The following CYRIA variants were observed in gnomAD, a reference collection of about 807,000 sequenced individuals.
CYRIA encodes the protein CYFIP related Rac1 interactor A, also known as CYFIP-related Rac1 interactor A.
Under a neutral mutation model 43.9 loss-of-function variants are expected in CYRIA, and 15 were observed. That is an observed-to-expected ratio of 0.34 (90% CI 0.23 to 0.53). The LOEUF (loss-of-function observed/expected upper bound fraction) is 0.53, where lower values mean the gene tolerates loss of function less well. CYRIA is among the 20% of genes least tolerant of loss of function. The pLI is 0.94. For missense variants in CYRIA, 236 were observed against 394.2 expected, an observed-to-expected ratio of 0.60 and a Z score of 3.40; for synonymous variants, 117 against 136.0, an observed-to-expected ratio of 0.86 and a Z score of 0.97.
At chr2:16,563,873 G>C (rs1666835206) in intron 5 of CYRIA, 116 bp downstream of exon 5, 1 of 661,626 alleles carries the variant, frequency 1.5e-6, no homozygotes, top group Admixed American at 3.1e-5. Flanking sequence ...CCTCTCATTT[G>C]ATACAGTGGA....
intron 1 of CYRIA, among the ~76,000 whole-genome samples, chr2:16,660,097 G>A (rs765960331): frequency 6.6e-6 from 1 of 152,074 alleles, no homozygotes; most frequent in Non-Finnish European, 1.5e-5. Context: ...GCTCTCTCTT[G>A]GCAACCCTGC....
chr2:16,600,963 T>C lies in CYRIA; in HGVS notation c.-10-12834A>G, dbSNP rs554408273. 3.9e-5 allele frequency among the ~76,000 whole-genome samples: 6 copies of C among 152,350 alleles called. No individual in the cohort carries two copies. In the East Asian group the frequency reaches 1.2e-3, roughly 29 times the overall value. ...GAAGACTATGCTCTTTTCTGCACAG[T>C]AGAAGTCCTGGGGCTCCACATCCCT... On this transcript the variant is annotated intron_variant, in intron 2 of 11. Coordinates refer to ENST00000381323, the MANE Select transcript of CYRIA (RefSeq NM_030797.4).
chr2:16,660,882 C>T (rs1382705802), intron 1 of CYRIA, among the ~76,000 whole-genome samples: 1 of 152,226 alleles, frequency 6.6e-6, no homozygotes, highest in Admixed American at 6.5e-5. Context: ...GGCACCCATT[C>T]TCAGCACCTG....
chr2:16,587,991 T>C (rs2103458750), intron 3 of CYRIA, 59 bp downstream of exon 3: 2 of 1,089,378 alleles, frequency 1.8e-6, no homozygotes, highest in Admixed American at 4.1e-5. Flanking sequence ...ATAACTTCCT[T>C]ATCAACAATC....
At chr2:16,558,659 T>C (rs1053885119) in intron 10 of CYRIA, among the ~76,000 whole-genome samples, 3 of 152,200 alleles carry the variant, frequency 2.0e-5, no homozygotes, top group Non-Finnish European at 4.4e-5. Flanking sequence ...GTGTTTTCAA[T>C]TATCTTCATT....
chr2:16,593,475 A>G (rs929155145), intron 2 of CYRIA, among the ~76,000 whole-genome samples: 3 of 152,270 alleles, frequency 2.0e-5, no homozygotes, highest in East Asian at 3.9e-4. Context: ...AGCTGATTAA[A>G]AAATATAAAT....
intron 2 of CYRIA, among the ~76,000 whole-genome samples, chr2:16,601,695 G>A (rs1489558553): frequency 7.2e-6 from 1 of 139,638 alleles, no homozygotes; most frequent in East Asian, 2.0e-4. Flanking sequence ...TAATTCTCTA[G>A]TCACATTTCC....
intron 4 of CYRIA, 151 bp downstream of exon 4, chr2:16,565,495 T>G: frequency 1.0e-6 from 1 of 964,196 alleles, no homozygotes; most frequent in Non-Finnish European, 1.4e-6. Context: ...CCATGCATTT[T>G]GTTTTTAAGG....
intron 2 of CYRIA, among the ~76,000 whole-genome samples, chr2:16,610,296 C>T (rs1273422412): frequency 2.0e-5 from 3 of 152,168 alleles, no homozygotes; most frequent in African/African-American, 7.2e-5. Context: ...TTAAACACAG[C>T]CCATCATACC....
At chr2:16,623,285 A>G (rs2103510028) in intron 2 of CYRIA, 1 of 152,362 alleles carries the variant, frequency 6.6e-6, no homozygotes, top group East Asian at 1.9e-4. Flanking sequence ...CTTGCACATA[A>G]GAAGGAAAGG....
chr2:16,567,665 G>T (rs1223739635), intron 3 of CYRIA, among the ~76,000 whole-genome samples: 1 of 152,092 alleles, frequency 6.6e-6, no homozygotes, highest in Non-Finnish European at 1.5e-5. Context: ...AGTTTCCTAA[G>T]AAATGAAGAG....
intron 2 of CYRIA, among the ~76,000 whole-genome samples, chr2:16,619,643 C>T (rs1385548669): frequency 2.0e-5 from 3 of 152,158 alleles, no homozygotes; most frequent in Non-Finnish European, 4.4e-5. Context: ...CTCACTAACA[C>T]CTCCATAGGG....
intron 1 of CYRIA, among the ~76,000 whole-genome samples, chr2:16,660,119 G>A: frequency 6.6e-6 from 1 of 152,084 alleles, no homozygotes; most frequent in Non-Finnish European, 1.5e-5. Flanking sequence ...AACTAAAACG[G>A]CTAGGTTTTG....
At chr2:16,661,831 G>A (rs1572211718) in intron 1 of CYRIA, among the ~76,000 whole-genome samples, 1 of 152,086 alleles carries the variant, frequency 6.6e-6, no homozygotes. Flanking sequence ...TTCTAGACAC[G>A]AGGCAAGGGA....
At position 16,640,572 on chromosome 2, in the gene CYRIA, C is replaced by T. The variant is rs140145479; in HGVS notation, c.-166-16553G>A. 5.8e-3 allele frequency among the ~76,000 whole-genome samples: 883 copies of T among 152,292 alleles called. 9 individuals are homozygous for T. Among genetic ancestry groups the T allele is most frequent in the South Asian group, 0.039 (186 of 4,828 alleles). On this transcript the variant is annotated intron_variant, in intron 1 of 11. Transcript: ENST00000381323. Reference sequence around the variant, plus strand: ...TGGAGAGCCCCATCTGGTTGCTTGGCCTTTCCTCTGGTGCTGCTGGTTGGG... The same window carrying T: ...TGGAGAGCCCCATCTGGTTGCTTGGTCTTTCCTCTGGTGCTGCTGGTTGGG...
chr2:16,647,931 A>T (rs544263140), intron 1 of CYRIA, among the ~76,000 whole-genome samples: 2 of 152,286 alleles, frequency 1.3e-5, no homozygotes, highest in South Asian at 4.1e-4. Context: ...CCACCACTAC[A>T]GTAGTTTGAG....
chr2:16,614,636 G>T (rs1668718634), intron 2 of CYRIA, among the ~76,000 whole-genome samples: 1 of 152,112 alleles, frequency 6.6e-6, no homozygotes, highest in African/African-American at 2.4e-5. Context: ...CCAACATGAG[G>T]TCTGAGTTGC....
intron 4 of CYRIA, among the ~76,000 whole-genome samples, chr2:16,564,337 T>G (rs1666854251): frequency 6.6e-6 from 1 of 152,192 alleles, no homozygotes; most frequent in African/African-American, 2.4e-5. Context: ...TTCTATTATC[T>G]TGAATACAAA....
chr2:16,578,215 A>G (rs1431548323), intron 3 of CYRIA, among the ~76,000 whole-genome samples: 1 of 152,236 alleles, frequency 6.6e-6, no homozygotes, highest in Non-Finnish European at 1.5e-5. Context: ...GCAACAGTGT[A>G]GCCCAGATCC....
Sources: gnomAD v4.1 joint callset for allele counts (sites outside exome capture counted in the v4.1 genomes callset) on GRCh38, gnomAD v4.1.1 for gene constraint, MANE v1.5 for transcripts, NCBI Gene and HGNC (gene_info 2026-07-23, HGNC 2026-07-21) for gene names.